Variants in LOXL2 observed in about 807,000 individuals in gnomAD.
LOXL2 encodes the protein lysyl oxidase like 2, also known as lysyl oxidase homolog 2.
In LOXL2, 70 loss-of-function variants were observed where a neutral mutation model predicts 93.0. The ratio of observed to expected loss-of-function variants is 0.75; its 90% CI spans 0.62 to 0.92. LOXL2 has a LOEUF of 0.92. LOXL2 is among the 40% of genes least tolerant of loss of function. LOXL2 has a pLI of 0.00. For missense variants in LOXL2, 973 were observed against 1,054.9 expected (o/e 0.92, Z 1.08); for synonymous variants, 438 against 413.2 (o/e 1.06, Z -0.73).
chr8:23,382,114 G>A (rs1376124153), intron 1 of LOXL2, among the ~76,000 whole-genome samples: 1 of 152,192 alleles, frequency 6.6e-6, no homozygotes, highest in African/African-American at 2.4e-5. Context: ...CAGAAGTTCT[G>A]AAATTATAGT....
intron 8 of LOXL2, 21 bp from the exon 9 acceptor site, chr8:23,317,135 A>G: frequency 1.9e-6 from 3 of 1,612,002 alleles, no homozygotes; most frequent in Non-Finnish European, 2.5e-6. Context: ...CAACAAAACA[A>G]ATGGTGGGTA....
At chr8:23,307,392 C>A (rs2117144029) in intron 10 of LOXL2, among the ~76,000 whole-genome samples, 1 of 152,282 alleles carries the variant, frequency 6.6e-6, no homozygotes, top group Middle Eastern at 3.4e-3. Context: ...TCCCTCCCAT[C>A]CCCTCCCAAG....
chr8:23,334,763 A>G (rs1020608681), intron 4 of LOXL2, among the ~76,000 whole-genome samples: 23 of 103,590 alleles, frequency 2.2e-4, no homozygotes, highest in Admixed American at 8.7e-4. Flanking sequence ...CTCATGTCCA[A>G]AATCAGAAGT....
At chr8:23,339,580 T>G (rs4492388) in intron 4 of LOXL2, among the ~76,000 whole-genome samples, 3,052 of 152,262 alleles carry the variant, frequency 0.02, 109 homozygotes, top group East Asian at 0.13. Flanking sequence ...GCTGTCCAGC[T>G]TAGAACAGCA....
At chr8:23,398,966 A>G (rs1292102992) in intron 1 of LOXL2, among the ~76,000 whole-genome samples, 1 of 152,234 alleles carries the variant, frequency 6.6e-6, no homozygotes, top group African/African-American at 2.4e-5. Context: ...TGCATTGGAC[A>G]GCAGTGGGTG....
chr8:23,331,729 G>A (rs1803681221), intron 5 of LOXL2: 4 of 148,288 alleles, frequency 2.7e-5, no homozygotes, highest in Admixed American at 2.1e-4. Flanking sequence ...GCCTGCTGTG[G>A]TTGGACTACT....
At chr8:23,396,117 G>A (rs530932146) in intron 1 of LOXL2, among the ~76,000 whole-genome samples, 32 of 152,178 alleles carry the variant, frequency 2.1e-4, no homozygotes, top group African/African-American at 6.7e-4. Context: ...TCGGGAGTTC[G>A]GGAGCAGCCT....
intron 3 of LOXL2, among the ~76,000 whole-genome samples, chr8:23,358,044 G>T (rs755413916): frequency 1.3e-4 from 20 of 152,182 alleles, no homozygotes; most frequent in Non-Finnish European, 2.2e-4. Context: ...GGAGAGATAA[G>T]ATCCACATAA....
chr8:23,371,057 G>A (rs985155846), intron 1 of LOXL2: 3 of 152,220 alleles, frequency 2.0e-5, no homozygotes, highest in African/African-American at 2.4e-5. Flanking sequence ...CTTAAACACA[G>A]GGTAGAGGAG....
chr8:23,328,624 A>G (rs1408182682), intron 5 of LOXL2, 59 bp from the exon 6 acceptor site: 1 of 1,524,914 alleles, frequency 6.6e-7, no homozygotes, highest in Admixed American at 1.7e-5. Flanking sequence ...GCGGGTGACC[A>G]CTGTCCCCGC....
intron 10 of LOXL2, among the ~76,000 whole-genome samples, chr8:23,308,797 G>A (rs1317140359): frequency 1.3e-5 from 2 of 152,092 alleles, no homozygotes; most frequent in Admixed American, 1.3e-4. Flanking sequence ...GACTGACAGA[G>A]CTGGAAGGGA....
intron 1 of LOXL2, among the ~76,000 whole-genome samples, chr8:23,402,070 GCA>G (rs898003206): frequency 7.3e-5 from 11 of 150,870 alleles, no homozygotes; most frequent in South Asian, 2.1e-4. Flanking sequence ...GCACAAACGC[GCA>G]CACACACATA....
intron 4 of LOXL2, chr8:23,336,916 G>A (rs928646588): frequency 6.6e-6 from 1 of 152,174 alleles, no homozygotes; most frequent in African/African-American, 2.4e-5. Flanking sequence ...GGCAGGCTAC[G>A]AGGGTGCTTC....
chr8:23,345,720 T>A (rs1197239729), intron 3 of LOXL2, among the ~76,000 whole-genome samples: 6 of 141,606 alleles, frequency 4.2e-5, no homozygotes, highest in Non-Finnish European at 9.0e-5. Context: ...TATTAAAATA[T>A]ACACACACTT....
chr8:23,398,606 A>T (rs930402277), intron 1 of LOXL2, among the ~76,000 whole-genome samples: 1 of 152,144 alleles, frequency 6.6e-6, no homozygotes, highest in African/African-American at 2.4e-5. Context: ...AGTGCAAAAG[A>T]TTTGTTAAAA....
chr8:23,346,371 C>T (rs1803984818), intron 3 of LOXL2, among the ~76,000 whole-genome samples: 2 of 152,016 alleles, frequency 1.3e-5, no homozygotes, highest in Admixed American at 6.5e-5. Context: ...ACAGAAACTC[C>T]AGGATGTGTG....
At chr8:23,370,662 CG>C (rs2117216035) in intron 1 of LOXL2, 1 of 152,218 alleles carries the variant, frequency 6.6e-6, no homozygotes, top group Admixed American at 6.6e-5. Flanking sequence ...TGCTTTCCCC[CG>C]GAAGATACTC....
intron 1 of LOXL2, among the ~76,000 whole-genome samples, chr8:23,376,683 C>A (rs11993009): frequency 0.089 from 13,455 of 152,002 alleles, 843 homozygotes; most frequent in African/African-American, 0.18. Flanking sequence ...TGTATGTGTC[C>A]AGGAATTTAT....
chr8:23,348,146 T>C (rs1193447245), intron 3 of LOXL2, among the ~76,000 whole-genome samples: 1 of 151,542 alleles, frequency 6.6e-6, no homozygotes, highest in African/African-American at 2.4e-5. Context: ...CTGAGCAAAC[T>C]ATCACAAGGA....
Sources: gnomAD v4.1 joint callset for allele counts (sites outside exome capture counted in the v4.1 genomes callset) on GRCh38, gnomAD v4.1.1 for gene constraint, MANE v1.5 for transcripts, NCBI Gene and HGNC (gene_info 2026-07-23, HGNC 2026-07-21) for gene names.